TMC1: variants seen among roughly 807,000 people sequenced by gnomAD.
TMC1 encodes the protein transmembrane channel-like protein 1.
A neutral mutation model predicts 105.8 loss-of-function variants in TMC1; 84 were observed. That is an observed-to-expected ratio of 0.79 (90% CI 0.67 to 0.95). The LOEUF (loss-of-function observed/expected upper bound fraction) is 0.95. Among genes scored for constraint, TMC1 ranks in the 40% least tolerant of loss-of-function variants. TMC1 has a pLI of 0.00. For synonymous variants in TMC1, 315 were observed against 311.5 expected, an observed-to-expected ratio of 1.01 and a Z score of -0.12; for missense variants, 817 against 914.1, an observed-to-expected ratio of 0.89 and a Z score of 1.37.
At chr9:72,764,779 T>C (rs1827805573) in intron 12 of TMC1, among the ~76,000 whole-genome samples, 2 of 152,282 alleles carry the variant, frequency 1.3e-5, no homozygotes, top group East Asian at 1.9e-4. Flanking sequence ...TCCACAAATA[T>C]AAATTGAAGT....
intron 12 of TMC1, among the ~76,000 whole-genome samples, chr9:72,759,196 G>GCC (rs1827716324): frequency 6.6e-6 from 1 of 152,084 alleles, no homozygotes; most frequent in Non-Finnish European, 1.5e-5. Flanking sequence ...GGTTTTGAGT[G>GCC]TGCTCGAACA....
In TMC1 at chr9:72,820,877, T is replaced by A; in HGVS notation, c.1799T>A (p.Ile600Asn). Residue 600 changes from isoleucine to asparagine, a missense_variant, in exon 20 of 24, where the codon ATC (isoleucine) becomes AAC (asparagine). Physicochemically the swap from Ile to Asn is moderately radical, Grantham distance 149. Transcript: ENST00000297784. ...GSFFAPSLPG[I>N]NILRLHTSMY... Reference sequence around the variant, plus strand: ...TTCTTTGCTCCCAGCCTCCCAGGCATCAATATCCTTCGACTCCATACATCC... The same window carrying A: ...TTCTTTGCTCCCAGCCTCCCAGGCAACAATATCCTTCGACTCCATACATCC... 6.2e-7 allele frequency: 1 copy of A among 1,614,196 alleles called. No homozygotes were observed. Among genetic ancestry groups the A allele is most frequent in the Non-Finnish European group, 8.5e-7 (1 of 1,180,024 alleles).
intron 18 of TMC1, among the ~76,000 whole-genome samples, 172 bp from the exon 19 acceptor site, chr9:72,815,971 A>T (rs1828780865): frequency 6.6e-6 from 1 of 152,220 alleles, no homozygotes; most frequent in South Asian, 2.1e-4. Flanking sequence ...GTTTAAAAAA[A>T]AAAAGGTGCT....
intron 18 of TMC1, among the ~76,000 whole-genome samples, chr9:72,812,548 A>G (rs1443225312): frequency 6.6e-6 from 1 of 152,214 alleles, no homozygotes; most frequent in Non-Finnish European, 1.5e-5. Flanking sequence ...TTGAGCATAC[A>G]TCAGAATCCC....
chr9:72,785,868 G>A (rs1227938876), intron 13 of TMC1, among the ~76,000 whole-genome samples: 1 of 152,190 alleles, frequency 6.6e-6, no homozygotes, highest in African/African-American at 2.4e-5. Context: ...GAGAGAACTA[G>A]TCCACATGTT....
intron 2 of TMC1, among the ~76,000 whole-genome samples, chr9:72,605,439 G>A (rs1358583089): frequency 6.6e-6 from 1 of 152,084 alleles, no homozygotes; most frequent in Non-Finnish European, 1.5e-5. Flanking sequence ...CCAAGACCAA[G>A]GTTTCCTCTG....
chr9:72,595,726 G>C (rs1190396680), intron 2 of TMC1, among the ~76,000 whole-genome samples: 2 of 148,854 alleles, frequency 1.3e-5, no homozygotes, highest in Non-Finnish European at 3.0e-5. Flanking sequence ...GCCCAGGCTG[G>C]AGTGCAGTGG....
chr9:72,653,683 A>T (rs1163969244), intron 5 of TMC1, among the ~76,000 whole-genome samples: 1 of 152,200 alleles, frequency 6.6e-6, no homozygotes, highest in East Asian at 1.9e-4. Context: ...ACAAATGTAT[A>T]TACATTATAA....
At chr9:72,567,725 G>A (rs1824190315) in intron 1 of TMC1, among the ~76,000 whole-genome samples, 1 of 152,072 alleles carries the variant, frequency 6.6e-6, no homozygotes, top group Non-Finnish European at 1.5e-5. Flanking sequence ...AAAATCCAAG[G>A]TGAAATTTTG....
intron 1 of TMC1, among the ~76,000 whole-genome samples, chr9:72,541,134 T>C (rs1240729844): frequency 6.6e-6 from 1 of 152,176 alleles, no homozygotes; most frequent in African/African-American, 2.4e-5. Context: ...ATCTTTGATT[T>C]CTCTTGCCCA....
At chr9:72,565,052 A>G (rs948495616) in intron 1 of TMC1, among the ~76,000 whole-genome samples, 5 of 152,222 alleles carry the variant, frequency 3.3e-5, no homozygotes, top group Non-Finnish European at 7.3e-5. Context: ...ACTGATGAGG[A>G]AACTAAGACT....
rs12346676 is a variant in TMC1, at chr9:72,647,246, A to T, written c.-52-1351A>T. On this transcript the variant is annotated intron_variant, in intron 4 of 23. Coordinates refer to ENST00000297784, the MANE Select transcript of TMC1 (RefSeq NM_138691.3). ...TTGAAACCTCTTTTAATGAATAGAA[A>T]TTTTTTTATTTTAATGTAGTTTAAT... Among the ~76,000 whole-genome samples the T allele has an allele frequency of 3.1e-3, 471 of 151,476 alleles. 6 individuals are homozygous for T. Among genetic ancestry groups the T allele is most frequent in the African/African-American group, 0.011 (455 of 41,354 alleles).
At chr9:72,598,803 G>T (rs1162284427) in intron 2 of TMC1, among the ~76,000 whole-genome samples, 2 of 152,172 alleles carry the variant, frequency 1.3e-5, no homozygotes, top group Non-Finnish European at 2.9e-5. Flanking sequence ...CATGGGAGGG[G>T]GAGGACTTTG....
chr9:72,581,549 T>C (rs550207071), intron 2 of TMC1, among the ~76,000 whole-genome samples: 28 of 152,324 alleles, frequency 1.8e-4, no homozygotes, highest in African/African-American at 6.5e-4. Flanking sequence ...GCCAGTTTTA[T>C]TACTAAAAGA....
chr9:72,704,738 C>T (rs1303042668), intron 8 of TMC1, among the ~76,000 whole-genome samples: 1 of 152,026 alleles, frequency 6.6e-6, no homozygotes, highest in Non-Finnish European at 1.5e-5. Context: ...TTCCTGTAGC[C>T]TTAAACCTAC....
intron 8 of TMC1, among the ~76,000 whole-genome samples, chr9:72,703,648 C>T (rs866921356): frequency 6.6e-6 from 1 of 152,200 alleles, no homozygotes. Context: ...TTTGCTGCCT[C>T]CTACCAGTGC....
chr9:72,727,713 T>C (rs992472592), intron 8 of TMC1, among the ~76,000 whole-genome samples: 3 of 152,048 alleles, frequency 2.0e-5, no homozygotes, highest in Non-Finnish European at 4.4e-5. Flanking sequence ...TAGGTCACAT[T>C]CTCCCCAAAT....
At chr9:72,531,528 T>C (rs1306038665) in intron 1 of TMC1, among the ~76,000 whole-genome samples, 1 of 152,210 alleles carries the variant, frequency 6.6e-6, no homozygotes, top group Non-Finnish European at 1.5e-5. Context: ...CTGTCCCTGC[T>C]ATATGATTTA....
intron 2 of TMC1, among the ~76,000 whole-genome samples, chr9:72,594,051 G>A (rs1824681724): frequency 6.6e-6 from 1 of 152,130 alleles, no homozygotes; most frequent in Non-Finnish European, 1.5e-5. Context: ...TCTATTGTTG[G>A]GGAGAAAGAT....
Sources: allele counts gnomAD v4.1 joint callset (sites outside exome capture counted in the v4.1 genomes callset), GRCh38; gene constraint gnomAD v4.1.1; transcripts MANE v1.5; gene names NCBI Gene and HGNC (gene_info 2026-07-23, HGNC 2026-07-21).